The following SMAD1 variants were observed in gnomAD, a reference collection of about 807,000 sequenced individuals.
The protein encoded by SMAD1 is MAD, mothers against decapentaplegic homolog 1.
Under a neutral mutation model 41.6 loss-of-function variants are expected in SMAD1, and 6 were observed. The ratio of observed to expected loss-of-function variants is 0.14; its 90% CI spans 0.08 to 0.28. The LOEUF (loss-of-function observed/expected upper bound fraction) is 0.28. Among genes scored for constraint, SMAD1 ranks in the 10% least tolerant of loss-of-function variants. SMAD1 has a pLI of 1.00. For missense variants in SMAD1, 379 were observed against 582.6 expected (o/e 0.65, Z 3.60); for synonymous variants, 206 against 203.2 (o/e 1.01, Z -0.12).
At chr4:145,499,960 T>A (rs1729334987) in intron 1 of SMAD1, among the ~76,000 whole-genome samples, 1 of 152,166 alleles carries the variant, frequency 6.6e-6, no homozygotes, top group Admixed American at 6.5e-5. Context: ...GTCTTACAGT[T>A]CCCATAATAC....
intron 4 of SMAD1, 59 bp downstream of exon 4, chr4:145,542,757 T>C (rs1732021255): frequency 8.7e-7 from 1 of 1,147,348 alleles, no homozygotes; most frequent in Non-Finnish European, 1.3e-6. Context: ...CAGATGTTAC[T>C]TTCTCTCACA....
chr4:145,496,385 G>A (rs1370264513), intron 1 of SMAD1, among the ~76,000 whole-genome samples: 3 of 152,192 alleles, frequency 2.0e-5, no homozygotes, highest in East Asian at 1.9e-4. Flanking sequence ...TATAGGACTC[G>A]TGTAAGGATT....
In SMAD1 at chr4:145,491,228, T is replaced by C. The variant is rs73852326; in HGVS notation, c.-177+9190T>C. On this transcript the variant is annotated intron_variant, in intron 1 of 6. Coordinates refer to ENST00000302085, the MANE Select transcript of SMAD1 (RefSeq NM_005900.3). ...ATATCAATAGGAAGCACCACCCCAA[T>C]AGAAAAATTGGTAGTGGACGTGAAC... Among the ~76,000 whole-genome samples, 800 of 152,242 alleles carry C rather than the reference T, an allele frequency of 5.3e-3. 8 individuals are homozygous for C. The highest frequency in any genetic ancestry group is 0.018 in the African/African-American group (745 of 41,528).
intron 5 of SMAD1, among the ~76,000 whole-genome samples, chr4:145,552,404 T>C (rs1560765990): frequency 6.6e-6 from 1 of 152,190 alleles, no homozygotes; most frequent in African/African-American, 2.4e-5. Flanking sequence ...TAAACCCACA[T>C]GGGATCTAAC....
At chr4:145,484,380 A>C (rs1247428391) in intron 1 of SMAD1, 1 of 152,260 alleles carries the variant, frequency 6.6e-6, no homozygotes, top group Non-Finnish European at 1.5e-5. Context: ...ATTGATTTAC[A>C]GCACTGAACT....
At chr4:145,533,037 C>T (rs1456706653) in intron 2 of SMAD1, among the ~76,000 whole-genome samples, 5 of 152,166 alleles carry the variant, frequency 3.3e-5, no homozygotes, top group Admixed American at 1.3e-4. Context: ...GGGGGTAGAG[C>T]GAGAGACATC....
At chr4:145,553,448 C>T (rs1043132425) in intron 5 of SMAD1, among the ~76,000 whole-genome samples, 2 of 152,082 alleles carry the variant, frequency 1.3e-5, no homozygotes, top group African/African-American at 2.4e-5. Context: ...ATAAGGAGCA[C>T]GCAACCTTGA....
intron 5 of SMAD1, among the ~76,000 whole-genome samples, chr4:145,549,801 A>G (rs891660391): frequency 1.1e-4 from 16 of 152,352 alleles, no homozygotes; most frequent in African/African-American, 2.9e-4. Context: ...ATTCTCTTAT[A>G]TAATTAAAGG....
chr4:145,486,946 A>G (rs1728507891), intron 1 of SMAD1, among the ~76,000 whole-genome samples: 1 of 152,122 alleles, frequency 6.6e-6, no homozygotes, highest in East Asian at 1.9e-4. Context: ...GTGTAAGCAT[A>G]TCCAGTGTAA....
At chr4:145,487,696 T>C (rs1728548597) in intron 1 of SMAD1, among the ~76,000 whole-genome samples, 1 of 152,190 alleles carries the variant, frequency 6.6e-6, no homozygotes, top group African/African-American at 2.4e-5. Context: ...ATGTAATTGC[T>C]TAAAATCTAA....
chr4:145,514,780 G>C lies in SMAD1; in HGVS notation c.167G>C (p.Ser56Thr). The C allele has an allele frequency of 6.2e-7, 1 of 1,614,136 alleles. No individual in the cohort carries two copies. Among genetic ancestry groups the C allele is most frequent in the Non-Finnish European group, 8.5e-7 (1 of 1,180,030 alleles). ...ATGGAGGAACTGGAAAAGGCCTTGA[G>C]CTGCCCAGGGCAACCGAGTAACTGT... ...GAMEELEKALSCPGQPSNCVT... is the reference protein window; with the variant it reads ...GAMEELEKALTCPGQPSNCVT... Residue 56 changes from serine (S) to threonine (T), a missense_variant, in exon 2 of 7, where the codon AGC becomes ACC. Transcript: ENST00000302085. This position sits in a 1 kb window ranked among gnomAD's most constrained non-coding sequence, Gnocchi z 4.7.
At chr4:145,538,826 C>G (rs1001253551) in intron 2 of SMAD1, among the ~76,000 whole-genome samples, 1 of 152,074 alleles carries the variant, frequency 6.6e-6, no homozygotes, top group African/African-American at 2.4e-5. Context: ...ATCTGGTGAC[C>G]CTGGCAGGGA....
intron 6 of SMAD1, among the ~76,000 whole-genome samples, chr4:145,557,145 T>C (rs1732886669): frequency 6.6e-6 from 1 of 152,256 alleles, no homozygotes; most frequent in African/African-American, 2.4e-5. Flanking sequence ...GCAGTTACTT[T>C]TCTCTTTTTC....
At chr4:145,530,989 GTGTC>G (rs987300490) in intron 2 of SMAD1, among the ~76,000 whole-genome samples, 2 of 152,230 alleles carry the variant, frequency 1.3e-5, no homozygotes, top group Non-Finnish European at 2.9e-5. Flanking sequence ...GGCAAGGACA[GTGTC>G]TGTCCTGTTG....
intron 1 of SMAD1, among the ~76,000 whole-genome samples, chr4:145,501,495 T>C (rs1268252106): frequency 6.6e-6 from 1 of 152,170 alleles, no homozygotes; most frequent in African/African-American, 2.4e-5. Context: ...GATCTAAATA[T>C]AGGAAGAGAG....
At chr4:145,551,821 T>C (rs1163746803) in intron 5 of SMAD1, among the ~76,000 whole-genome samples, 3 of 152,192 alleles carry the variant, frequency 2.0e-5, no homozygotes, top group Non-Finnish European at 4.4e-5. Flanking sequence ...TGATGCATTC[T>C]GGAAAGTCAT....
intron 6 of SMAD1, among the ~76,000 whole-genome samples, chr4:145,557,426 G>A (rs1199987774): frequency 6.6e-6 from 1 of 152,108 alleles, no homozygotes; most frequent in East Asian, 1.9e-4. Context: ...TTATTTTCTT[G>A]ATGATAAAAT....
intron 1 of SMAD1, among the ~76,000 whole-genome samples, chr4:145,489,400 A>G (rs1051356374): frequency 2.6e-5 from 4 of 152,212 alleles, no homozygotes; most frequent in African/African-American, 9.6e-5. Flanking sequence ...TCAGTAAGAA[A>G]GCTATTGAGT....
rs573463293 is a variant in SMAD1, at chr4:145,536,668, A to G, written c.401-3136A>G. Among the ~76,000 whole-genome samples, 5 of 152,362 alleles carry G rather than the reference A, an allele frequency of 3.3e-5. No homozygotes were observed. The South Asian group carries it at 8.3e-4, about 25-fold the overall frequency. On this transcript the variant is annotated intron_variant, in intron 2 of 6. Transcript: ENST00000302085. Reference sequence around the variant, plus strand: ...AATGGAGTTAAAGAAAATTCAGTTCACAACCATTATAGCAAAAATTTATTC... The same window carrying G: ...AATGGAGTTAAAGAAAATTCAGTTCGCAACCATTATAGCAAAAATTTATTC...
Sources: allele counts gnomAD v4.1 joint callset (sites outside exome capture counted in the v4.1 genomes callset), GRCh38; gene constraint gnomAD v4.1.1; non-coding constraint Gnocchi (gnomAD v3.1); transcripts MANE v1.5; gene names NCBI Gene and HGNC (gene_info 2026-07-23, HGNC 2026-07-21).